The following ZCCHC14 variants were observed in gnomAD, a reference collection of about 807,000 sequenced individuals.
The protein encoded by ZCCHC14 is zinc finger CCHC domain-containing protein 14.
Under a neutral mutation model 85.0 loss-of-function variants are expected in ZCCHC14, and 16 were observed. That is an observed-to-expected ratio of 0.19 (90% CI 0.13 to 0.29). The LOEUF (loss-of-function observed/expected upper bound fraction) is 0.29. Among genes scored for constraint, ZCCHC14 ranks in the 10% least tolerant of loss-of-function variants. The probability of loss-of-function intolerance (pLI) is 1.00; values close to 1 mark genes in which losing one functional copy is unlikely to be tolerated. For missense variants in ZCCHC14, 1,303 were observed against 1,443.5 expected (o/e 0.90, Z 1.58); for synonymous variants, 775 against 630.7 (o/e 1.23, Z -3.43).
chr16:87,414,512 G>C lies in ZCCHC14; in HGVS notation c.1505C>G (p.Pro502Arg), dbSNP rs1381678727. 6.2e-7 allele frequency: 1 copy of C among 1,612,916 alleles called. No individual in the cohort carries two copies. The highest frequency in any genetic ancestry group is 2.2e-5 in the East Asian group (1 of 44,866). The change falls in exon 10 of 13, where the codon CCC becomes CGC. Residue 502 changes from proline to arginine, a missense_variant. This residue lies in a region of ZCCHC14 where 58 missense variants were observed against 88.2 expected (regional missense o/e 0.66). Coordinates refer to ENST00000671377, the MANE Select transcript of ZCCHC14 (RefSeq NM_015144.3). Reference sequence around the variant, plus strand: ...GCTGGTGACCAGCGGCGGGGCCGAGGGGTTCAGGCACCGTCTCTCTGACTT... The same window carrying C: ...GCTGGTGACCAGCGGCGGGGCCGAGCGGTTCAGGCACCGTCTCTCTGACTT... Reference protein sequence around the residue: ...KEKSERRCLNPSAPPLVTSSG... With the variant: ...KEKSERRCLNRSAPPLVTSSG...
intron 2 of ZCCHC14, among the ~76,000 whole-genome samples, chr16:87,447,107 T>A (rs921686403): frequency 5.9e-5 from 9 of 152,270 alleles, no homozygotes; most frequent in Admixed American, 4.6e-4. Context: ...ATTCTGCCAA[T>A]AGACTAGGAA....
chr16:87,426,394 G>A lies in ZCCHC14; in HGVS notation c.769-2513C>T, dbSNP rs375152789. ...AAAAAGTGTTGCCAATTAGATTCTG[G>A]CACAGCATCTTCTATCACGTCCCTG... On this transcript the variant is annotated intron_variant, in intron 3 of 12. Coordinates refer to ENST00000671377, the MANE Select transcript of ZCCHC14 (RefSeq NM_015144.3). 5.3e-5 allele frequency among the ~76,000 whole-genome samples: 8 copies of A among 152,252 alleles called. No individual in the cohort carries two copies. The South Asian group carries it at 1.7e-3, about 32-fold the overall frequency.
intron 12 of ZCCHC14, among the ~76,000 whole-genome samples, chr16:87,410,982 T>G (rs998333054): frequency 6.6e-6 from 1 of 152,086 alleles, no homozygotes; most frequent in African/African-American, 2.4e-5. Context: ...AGAACCCTAT[T>G]ACAACTACAT....
At chr16:87,426,299 G>T (rs1224690200) in intron 3 of ZCCHC14, among the ~76,000 whole-genome samples, 1 of 152,184 alleles carries the variant, frequency 6.6e-6, no homozygotes, top group African/African-American at 2.4e-5. Flanking sequence ...CCCGTACTAT[G>T]GGGACACGTG....
chr16:87,481,907 G>C (rs1912297381), intron 1 of ZCCHC14, among the ~76,000 whole-genome samples: 1 of 152,162 alleles, frequency 6.6e-6, no homozygotes, highest in African/African-American at 2.4e-5. Context: ...GCAACAGCCT[G>C]TATCTGCTTA....
intron 4 of ZCCHC14, among the ~76,000 whole-genome samples, chr16:87,422,909 G>T (rs982237590): frequency 1.3e-5 from 2 of 152,156 alleles, no homozygotes; most frequent in East Asian, 1.9e-4. Flanking sequence ...GATTCCCGGG[G>T]GGGGGTGTGT....
At position 87,447,391 on chromosome 16, in the gene ZCCHC14, A is replaced by C. The variant is rs539318661; in HGVS notation, c.694+12617T>G. On this transcript the variant is annotated intron_variant, in intron 2 of 12. Coordinates refer to ENST00000671377, the MANE Select transcript of ZCCHC14 (RefSeq NM_015144.3). ...ATTCAATGAGTTTGGGTACATTTAT[A>C]TGCCCATGTGATCACTAATCCTTGA... is the stretch of plus-strand genomic sequence containing the variant. 3.3e-5 allele frequency among the ~76,000 whole-genome samples: 5 copies of C among 152,276 alleles called. No individual in the cohort carries two copies. The East Asian group carries it at 9.6e-4, about 29-fold the overall frequency.
At chr16:87,430,694 G>C (rs1909611284) in intron 3 of ZCCHC14, among the ~76,000 whole-genome samples, 2 of 151,954 alleles carry the variant, frequency 1.3e-5, no homozygotes, top group African/African-American at 2.4e-5. Flanking sequence ...GCTAATTTTT[G>C]TATTTTTAGT....
chr16:87,475,967 C>G (rs1911986860), intron 1 of ZCCHC14, among the ~76,000 whole-genome samples: 1 of 152,114 alleles, frequency 6.6e-6, no homozygotes. Flanking sequence ...GCTCAAATAC[C>G]AAAGACAGTC....
chr16:87,412,416 C>A lies in ZCCHC14; in HGVS notation c.2305G>T (p.Ala769Ser). ...AGCAGTTTGATGGGCGGACGGGCGGCGTGGAGGACTGTGCTGGGCGTCCCC... is the reference window on the plus strand; with the variant it reads ...AGCAGTTTGATGGGCGGACGGGCGGAGTGGAGGACTGTGCTGGGCGTCCCC... ...ATGTPSTVLH[A>S]ARPPIKLLLS... is the part of the protein sequence containing the mutation. Residue 769 changes from alanine (A) to serine (S), a missense_variant, in exon 12 of 13, where the codon GCC becomes TCC. Ala to Ser is a moderately conservative substitution (Grantham distance 99). This residue lies in a region of ZCCHC14 where 797 missense variants were observed against 730.8 expected (regional missense o/e 1.09). Coordinates refer to ENST00000671377, the MANE Select transcript of ZCCHC14 (RefSeq NM_015144.3). The A allele has an allele frequency of 6.2e-7, 1 of 1,614,148 alleles. No individual in the cohort carries two copies. Among genetic ancestry groups the A allele is most frequent in the South Asian group, 1.1e-5 (1 of 91,090 alleles).
At chr16:87,487,676 A>C (rs767874339) in intron 1 of ZCCHC14, among the ~76,000 whole-genome samples, 2 of 152,284 alleles carry the variant, frequency 1.3e-5, no homozygotes, top group African/African-American at 2.4e-5. Flanking sequence ...GGGTGAAGAC[A>C]AAGAGCCTAT....
chr16:87,412,667 C>T lies in ZCCHC14; in HGVS notation c.2054G>A (p.Ser685Asn). 1 of 1,614,250 alleles carries T rather than the reference C, an allele frequency of 6.2e-7. No homozygotes were observed. The highest frequency in any genetic ancestry group is 8.5e-7 in the Non-Finnish European group (1 of 1,180,054). Residue 685 changes from serine to asparagine, a missense_variant, in exon 12 of 13, where the codon AGC (serine) becomes AAC (asparagine). This residue lies in a region of ZCCHC14 where 797 missense variants were observed against 730.8 expected (regional missense o/e 1.09). Coordinates refer to ENST00000671377, the MANE Select transcript of ZCCHC14 (RefSeq NM_015144.3). ...GCCAAAGCTCTTGTCCACTTTCATG[C>T]TGCTTCTTGGTCCAGATCCTTTATT... is the stretch of plus-strand genomic sequence containing the variant. ...ERNKGSGPRSSMKVDKSFGSA... is the reference protein window; with the variant it reads ...ERNKGSGPRSNMKVDKSFGSA...
At chr16:87,435,646 G>A (rs957280918) in intron 2 of ZCCHC14, among the ~76,000 whole-genome samples, 4 of 152,260 alleles carry the variant, frequency 2.6e-5, no homozygotes, top group Admixed American at 6.5e-5. Flanking sequence ...GTGCTGTGAG[G>A]GTCGTGGAGC....
intron 1 of ZCCHC14, chr16:87,467,745 G>A (rs1348466849): frequency 3.9e-5 from 22 of 569,856 alleles, no homozygotes; most frequent in Non-Finnish European, 5.4e-5. Context: ...TCCGCCTCCC[G>A]GGTTCACACC....
chr16:87,470,925 A>C (rs1911745926), intron 1 of ZCCHC14: 1 of 152,212 alleles, frequency 6.6e-6, no homozygotes. Flanking sequence ...CTACTTCTAG[A>C]ATTTAAAAAA....
At chr16:87,436,924 G>A (rs1339710311) in intron 2 of ZCCHC14, among the ~76,000 whole-genome samples, 4 of 152,124 alleles carry the variant, frequency 2.6e-5, no homozygotes, top group African/African-American at 7.2e-5. Flanking sequence ...ATCTCAAAGC[G>A]AATACCTATC....
At chr16:87,481,711 T>TA (rs1315786834) in intron 1 of ZCCHC14, among the ~76,000 whole-genome samples, 2 of 151,704 alleles carry the variant, frequency 1.3e-5, no homozygotes, top group African/African-American at 2.4e-5. Context: ...CTGGAGGGGA[T>TA]AAAAAAGGGC....
chr16:87,477,955 A>G (rs9936170), intron 1 of ZCCHC14, among the ~76,000 whole-genome samples: 57,429 of 149,876 alleles, frequency 0.38, 15,550 homozygotes, highest in African/African-American at 0.76. Flanking sequence ...ACGCCTCCAC[A>G]CATCGCTCCC....
At chr16:87,434,127 G>GC (rs1483918158) in intron 2 of ZCCHC14, among the ~76,000 whole-genome samples, 3 of 152,162 alleles carry the variant, frequency 2.0e-5, no homozygotes, top group African/African-American at 7.2e-5. Context: ...AGCCCGGAAG[G>GC]CATCAGCCTA....
Sources: allele counts gnomAD v4.1 joint callset (sites outside exome capture counted in the v4.1 genomes callset), GRCh38; gene constraint gnomAD v4.1.1; regional missense constraint gnomAD v4.1.1; transcripts MANE v1.5; gene names NCBI Gene and HGNC (gene_info 2026-07-23, HGNC 2026-07-21).